PCGF5: variants seen among roughly 807,000 people sequenced by gnomAD.
PCGF5 encodes polycomb group RING finger protein 5.
In PCGF5, 9 loss-of-function variants were observed where a neutral mutation model predicts 44.3. The observed-to-expected ratio is 0.20, with a 90% CI of 0.12 to 0.35. The LOEUF (loss-of-function observed/expected upper bound fraction) is 0.35. Ranked by LOEUF, PCGF5 falls within the 10% of genes least tolerant of loss-of-function variation. PCGF5 has a pLI of 1.00. For synonymous variants in PCGF5, 95 were observed against 102.5 expected (o/e 0.93, Z 0.44); for missense variants, 146 against 305.3 (o/e 0.48, Z 3.89).
intron 2 of PCGF5, among the ~76,000 whole-genome samples, chr10:91,233,037 G>C (rs1845053087): frequency 6.6e-6 from 1 of 152,212 alleles, no homozygotes; most frequent in South Asian, 2.1e-4. Flanking sequence ...AGTTAGCCAG[G>C]ATTAGAGTTT....
chr10:91,238,034 A>T (rs962550054), intron 2 of PCGF5, among the ~76,000 whole-genome samples: 10 of 152,224 alleles, frequency 6.6e-5, no homozygotes, highest in Admixed American at 3.9e-4. Flanking sequence ...TTTTAATAAT[A>T]CATTTAACCC....
chr10:91,222,856 T>A lies in PCGF5; in HGVS notation c.-16T>A, dbSNP rs1400165701. ...TCTTTGCCCAGACTACTAAAGCCAGTCTTCACTAGCCACGAATGGCTACCC... is the reference window on the plus strand; with the variant it reads ...TCTTTGCCCAGACTACTAAAGCCAGACTTCACTAGCCACGAATGGCTACCC... On this transcript the variant is annotated 5_prime_UTR_variant, in exon 2 of 10. Coordinates refer to ENST00000336126, the MANE Select transcript of PCGF5 (RefSeq NM_032373.5). 9.2e-6 allele frequency: 14 copies of A among 1,525,400 alleles called. No individual in the cohort carries two copies. Among genetic ancestry groups the A allele is most frequent in the Non-Finnish European group, 1.3e-5 (14 of 1,099,608 alleles). The allele number at this position is 1,525,400 out of a possible 1,614,324, so 94.5% of individuals were successfully genotyped here. A position where few individuals can be genotyped will look rare whatever the true frequency, so the allele number is the denominator to read the frequency against.
intron 1 of PCGF5, among the ~76,000 whole-genome samples, chr10:91,178,005 C>A (rs2133184418): frequency 6.6e-6 from 1 of 152,332 alleles, no homozygotes; most frequent in Middle Eastern, 3.4e-3. Flanking sequence ...CTGCGTCGCT[C>A]ACACTGGGAG....
chr10:91,173,045 C>T (rs1458138921), intron 1 of PCGF5, among the ~76,000 whole-genome samples: 2 of 152,182 alleles, frequency 1.3e-5, no homozygotes, highest in Non-Finnish European at 2.9e-5. Flanking sequence ...TAAGTTTCCT[C>T]ATCTGTAGTG....
At chr10:91,238,581 A>ATTTCTTTCTTTCTTTCTTTCTTTC (rs1213535596) in intron 2 of PCGF5, among the ~76,000 whole-genome samples, 13 of 73,234 alleles carry the variant, frequency 1.8e-4, no homozygotes, top group South Asian at 4.4e-4. Flanking sequence ...CTCCACTCTC[A>ATTTCTTTCTTTCTTTCTTTCTTTC]TTTCTTTCTT....
In PCGF5 at chr10:91,272,805, C is replaced by T. The variant is rs563247687; in HGVS notation, c.723+1108C>T. Reference sequence around the variant, plus strand: ...CAAATAAATAATAAAATAATAAAATCCACCGTTCTTTTATTTCAATAATTA... The same window carrying T: ...CAAATAAATAATAAAATAATAAAATTCACCGTTCTTTTATTTCAATAATTA... On this transcript the variant is annotated intron_variant, in intron 9 of 9. Transcript: ENST00000336126. 5.3e-5 allele frequency among the ~76,000 whole-genome samples: 8 copies of T among 152,138 alleles called. No homozygotes were observed. The South Asian group carries it at 1.7e-3, about 32-fold the overall frequency.
intron 9 of PCGF5, among the ~76,000 whole-genome samples, chr10:91,272,910 T>C (rs1846214839): frequency 6.6e-6 from 1 of 152,262 alleles, no homozygotes; most frequent in South Asian, 2.1e-4. Flanking sequence ...CTGGCATACT[T>C]ACCTCCAGTG....
At chr10:91,226,289 T>TAAAAAAAAAAAAA (rs66465569) in intron 2 of PCGF5, among the ~76,000 whole-genome samples, 10 of 75,106 alleles carry the variant, frequency 1.3e-4, no homozygotes, top group Non-Finnish European at 1.9e-4. Flanking sequence ...TTAAGAAATG[T>TAAAAAAAAAAAAA]AAAAAAAAAA....
intron 1 of PCGF5, among the ~76,000 whole-genome samples, chr10:91,214,590 A>G (rs1461022357): frequency 6.6e-6 from 1 of 152,254 alleles, no homozygotes; most frequent in African/African-American, 2.4e-5. Context: ...AGAACAAAGC[A>G]AAACAAAACG....
At chr10:91,161,629 T>G (rs1294919216), upstream of PCGF5, among the ~76,000 whole-genome samples, 1 of 152,210 alleles carries the variant, frequency 6.6e-6, no homozygotes, top group African/African-American at 2.4e-5. Context: ...GTTACTTAAG[T>G]GCCCATTATG....
upstream of PCGF5, among the ~76,000 whole-genome samples, chr10:91,218,788 A>G (rs1302173846): frequency 6.6e-6 from 1 of 151,954 alleles, no homozygotes; most frequent in Non-Finnish European, 1.5e-5. Context: ...GCATGTCACC[A>G]TGCCCGGCTG....
intron 1 of PCGF5, among the ~76,000 whole-genome samples, chr10:91,176,258 T>C (rs1843705138): frequency 6.6e-6 from 1 of 152,216 alleles, no homozygotes; most frequent in African/African-American, 2.4e-5. Context: ...TTCTGGCTTG[T>C]AGAGTTTCTG....
intron 1 of PCGF5, among the ~76,000 whole-genome samples, chr10:91,172,610 C>G (rs1488720486): frequency 2.6e-5 from 4 of 152,198 alleles, no homozygotes; most frequent in Admixed American, 2.0e-4. Flanking sequence ...GGTCATCTCT[C>G]TCCTTTAAAC....
Position 91,248,717 on chromosome 10 carries a change from T to C in PCGF5, c.318T>C (p.Asn106=), listed in dbSNP as rs1224129581. ...GGAAGAAAAATAAGCCTCAAGAAAA[T>C]GGACAAGGTGACTTTTTCTTATGTC... ...EFWKKNKPQE[N]GQDDTSKADK... The change falls in exon 5 of 10, where the codon AAT becomes AAC. Residue 106 remains asparagine, a synonymous_variant. Transcript: ENST00000336126. 1 of 1,607,612 alleles carries C rather than the reference T, an allele frequency of 6.2e-7. No individual in the cohort carries two copies. The highest frequency in any genetic ancestry group is 8.5e-7 in the Non-Finnish European group (1 of 1,177,184).
At chr10:91,217,014 T>A (rs1324651504), upstream of PCGF5, among the ~76,000 whole-genome samples, 4 of 151,786 alleles carry the variant, frequency 2.6e-5, no homozygotes, top group African/African-American at 9.7e-5. Context: ...CTTAGGTACA[T>A]AATTTATAAT....
chr10:91,237,590 A>G (rs1564644642), intron 2 of PCGF5, among the ~76,000 whole-genome samples: 1 of 152,136 alleles, frequency 6.6e-6, no homozygotes, highest in African/African-American at 2.4e-5. Context: ...TAAAAATACA[A>G]ATAATTAGCC....
intron 8 of PCGF5, among the ~76,000 whole-genome samples, chr10:91,265,574 A>G (rs540114132): frequency 1.2e-4 from 18 of 152,262 alleles, no homozygotes; most frequent in Admixed American, 1.0e-3. Flanking sequence ...ACACAAGAAT[A>G]AGAAATAAGA....
chr10:91,203,560 C>T (rs1278966334), intron 1 of PCGF5, among the ~76,000 whole-genome samples: 2 of 152,120 alleles, frequency 1.3e-5, no homozygotes, highest in African/African-American at 4.8e-5. Flanking sequence ...TTCAGTCTTT[C>T]CTGTATTACA....
intron 5 of PCGF5, among the ~76,000 whole-genome samples, chr10:91,250,637 C>T (rs1845601348): frequency 6.6e-6 from 1 of 151,344 alleles, no homozygotes. Context: ...AACTACTCAA[C>T]AGATGAATGA....
Sources: allele counts gnomAD v4.1 joint callset (sites outside exome capture counted in the v4.1 genomes callset), GRCh38; gene constraint gnomAD v4.1.1; transcripts MANE v1.5; gene names NCBI Gene and HGNC (gene_info 2026-07-23, HGNC 2026-07-21).